FAM13A: variants seen among roughly 807,000 people sequenced by gnomAD.
FAM13A encodes protein FAM13A.
In FAM13A, 76 loss-of-function variants were observed where a neutral mutation model predicts 129.6. That is an observed-to-expected ratio of 0.59 (90% CI 0.49 to 0.71). FAM13A has a LOEUF of 0.71. Among genes scored for constraint, FAM13A ranks in the 30% least tolerant of loss-of-function variants. The pLI, the probability that FAM13A is intolerant of heterozygous loss-of-function variation, is 0.00. For synonymous variants in FAM13A, 443 were observed against 449.9 expected, an observed-to-expected ratio of 0.98 and a Z score of 0.20; for missense variants, 1,108 against 1,249.3, an observed-to-expected ratio of 0.89 and a Z score of 1.70.
At chr4:88,930,077 C>T (rs1430167876) in intron 5 of FAM13A, among the ~76,000 whole-genome samples, 1 of 152,004 alleles carries the variant, frequency 6.6e-6, no homozygotes, top group African/African-American at 2.4e-5. Context: ...GTTTCACATT[C>T]ATATCCTGAA....
intron 23 of FAM13A, among the ~76,000 whole-genome samples, chr4:88,731,018 C>T (rs1163428198): frequency 6.6e-6 from 1 of 152,156 alleles, no homozygotes; most frequent in Non-Finnish European, 1.5e-5. Flanking sequence ...CAGCGGGAAA[C>T]GCAGCTTCCT....
At chr4:88,745,563 T>G (rs1370286504) in intron 19 of FAM13A, among the ~76,000 whole-genome samples, 1 of 152,140 alleles carries the variant, frequency 6.6e-6, no homozygotes, top group African/African-American at 2.4e-5. Flanking sequence ...ACACACCTTC[T>G]CCATGAGGCC....
chr4:88,800,660 G>A (rs370702284), intron 8 of FAM13A, among the ~76,000 whole-genome samples: 5 of 147,814 alleles, frequency 3.4e-5, no homozygotes, highest in Non-Finnish European at 6.0e-5. Flanking sequence ...ACTCCAGCCC[G>A]GGCGACAGAG....
chr4:88,788,845 T>C (rs962641708), intron 9 of FAM13A, among the ~76,000 whole-genome samples: 1 of 152,124 alleles, frequency 6.6e-6, no homozygotes, highest in Non-Finnish European at 1.5e-5. Flanking sequence ...AACTGTGTTT[T>C]GAGAACTTAA....
intron 4 of FAM13A, among the ~76,000 whole-genome samples, chr4:88,946,057 C>T (rs1192504725): frequency 1.5e-5 from 2 of 137,436 alleles, no homozygotes; most frequent in Admixed American, 7.6e-5. Flanking sequence ...CTTGCTCTGG[C>T]ATGCCTGGAT....
intron 6 of FAM13A, among the ~76,000 whole-genome samples, chr4:88,877,634 CTTTG>C (rs1052438817): frequency 3.3e-5 from 5 of 152,164 alleles, no homozygotes; most frequent in African/African-American, 9.7e-5. Context: ...CAGGTTGGCT[CTTTG>C]TTTCTTTCCT....
chr4:88,750,771 A>G, intron 14 of FAM13A, 134 bp from the exon 15 acceptor site: 1 of 661,576 alleles, frequency 1.5e-6, no homozygotes, highest in East Asian at 2.7e-5. Flanking sequence ...TTTTACAGCT[A>G]AGGTCCAGGC....
intron 7 of FAM13A, among the ~76,000 whole-genome samples, chr4:88,817,704 G>A (rs553458121): frequency 3.2e-4 from 48 of 152,294 alleles, no homozygotes; most frequent in African/African-American, 1.1e-3. Context: ...AAAAAATAGG[G>A]TGAAAGCTTT....
intron 3 of FAM13A, among the ~76,000 whole-genome samples, chr4:89,011,074 C>T (rs1381683122): frequency 6.6e-6 from 1 of 152,148 alleles, no homozygotes; most frequent in African/African-American, 2.4e-5. Flanking sequence ...CCTCAAACTC[C>T]TGACCTCAGG....
rs573519896 is a variant in FAM13A at position 88,750,523 on chromosome 4, G to C, written c.1841C>G (p.Pro614Arg). Residue 614 changes from proline (P) to arginine (R), a missense_variant, in exon 15 of 24, where the codon CCC becomes CGC. This residue lies in a region of FAM13A where 529 missense variants were observed against 621.2 expected (regional missense o/e 0.85). Transcript: ENST00000264344. The stretch of plus-strand genomic sequence containing the variant: ...AGCGTAGAACCGAGGAGAGAGCATG[G>C]GGTCGCTGTCTTCGTCCAGCAGCTG... ...IRQLLDEDSD[P>R]MLSPRFYAYG... The C allele has an allele frequency of 4.3e-6, 7 of 1,613,982 alleles. No individual in the cohort carries two copies. The highest frequency in any genetic ancestry group is 5.9e-6 in the Non-Finnish European group (7 of 1,180,024).
intron 3 of FAM13A, among the ~76,000 whole-genome samples, chr4:89,013,631 A>G (rs1170074654): frequency 1.3e-5 from 2 of 152,186 alleles, no homozygotes; most frequent in Non-Finnish European, 2.9e-5. Context: ...CTACTGCAAC[A>G]TATTACTTAT....
chr4:88,883,405 G>C (rs545312051), intron 6 of FAM13A, among the ~76,000 whole-genome samples: 90 of 152,180 alleles, frequency 5.9e-4, no homozygotes, highest in African/African-American at 1.9e-3. Context: ...ATCTGCTCCT[G>C]AATGATCATT....
chr4:88,970,115 C>T lies in FAM13A; in HGVS notation c.605+20858G>A, dbSNP rs189707063. 2.3e-3 allele frequency among the ~76,000 whole-genome samples: 346 copies of T among 152,302 alleles called. 1 individual carries two copies. Among genetic ancestry groups the T allele is most frequent in the South Asian group, 0.019 (94 of 4,828 alleles). On this transcript the variant is annotated intron_variant, in intron 4 of 23. Transcript: ENST00000264344. ...CTGAATGTATGAGGATTATGAAAAG[C>T]TTATTACAGTTACTAGAATTTTAGC...
chr4:88,752,124 T>C (rs756833808), intron 14 of FAM13A, among the ~76,000 whole-genome samples: 4 of 152,208 alleles, frequency 2.6e-5, no homozygotes, highest in Admixed American at 6.5e-5. Flanking sequence ...AGGCTCCTCA[T>C]ACTATCCAAG....
At chr4:88,743,460 G>C (rs544607878) in intron 19 of FAM13A, among the ~76,000 whole-genome samples, 1 of 152,130 alleles carries the variant, frequency 6.6e-6, no homozygotes, top group Non-Finnish European at 1.5e-5. Context: ...GAAATATTAA[G>C]AGCTAGAAAA....
intron 5 of FAM13A, among the ~76,000 whole-genome samples, chr4:88,935,287 T>C (rs114148670): frequency 2.6e-5 from 4 of 152,316 alleles, no homozygotes; most frequent in Non-Finnish European, 5.9e-5. Context: ...GGCCCAAATC[T>C]CCGTTTCACA....
intron 5 of FAM13A, among the ~76,000 whole-genome samples, chr4:88,934,729 T>C (rs913911102): frequency 1.2e-4 from 19 of 152,102 alleles, no homozygotes; most frequent in African/African-American, 4.1e-4. Context: ...AAAACAAAAC[T>C]AATGAAAGAG....
chr4:88,941,583 T>C (rs1343325394), intron 4 of FAM13A, among the ~76,000 whole-genome samples: 1 of 152,212 alleles, frequency 6.6e-6, no homozygotes, highest in Non-Finnish European at 1.5e-5. Flanking sequence ...CTGACAGATA[T>C]GGTGACCAGT....
At chr4:88,829,917 C>G (rs1733600644) in intron 7 of FAM13A, among the ~76,000 whole-genome samples, 1 of 152,124 alleles carries the variant, frequency 6.6e-6, no homozygotes, top group Admixed American at 6.5e-5. Context: ...AATAGCCCCT[C>G]AAGATAATAA....
Sources: allele counts gnomAD v4.1 joint callset (sites outside exome capture counted in the v4.1 genomes callset), GRCh38; gene constraint gnomAD v4.1.1; regional missense constraint gnomAD v4.1.1; transcripts MANE v1.5; gene names NCBI Gene and HGNC (gene_info 2026-07-23, HGNC 2026-07-21).